PRKAR1A: variants seen among roughly 807,000 people sequenced by gnomAD.
The protein encoded by PRKAR1A is cAMP-dependent protein kinase type I-alpha regulatory subunit.
Under a neutral mutation model 52.0 loss-of-function variants are expected in PRKAR1A, and 3 were observed. The observed-to-expected ratio is 0.06, with a 90% CI of 0.03 to 0.15. PRKAR1A has a LOEUF of 0.15. PRKAR1A is among the 10% of genes least tolerant of loss of function. The probability of loss-of-function intolerance (pLI) is 1.00; values close to 1 mark genes in which losing one functional copy is unlikely to be tolerated. For missense variants in PRKAR1A, 240 were observed against 477.4 expected (o/e 0.50, Z 4.63); for synonymous variants, 188 against 168.4 (o/e 1.12, Z -0.90).
the PRKAR1A span, chr17:68,434,683 TC>T: frequency 6.3e-7 from 1 of 1,578,010 alleles, no homozygotes; most frequent in Non-Finnish European, 8.7e-7. Context: ...CACAGAGATG[TC>T]CCTTTAGAGA....
chr17:68,533,378 C>T lies in PRKAR1A; in HGVS notation c.*2929C>T, dbSNP rs1022799283. The stretch of plus-strand genomic sequence containing the variant: ...TCTAGATTCAGTAATCCCTTCCCCC[C>T]GTCCTCTGGAGTATGAAACCTTTAG... On this transcript the variant is annotated 3_prime_UTR_variant, in exon 11 of 11. Transcript: ENST00000589228. 1.8e-5 allele frequency: 19 copies of T among 1,061,750 alleles called. No homozygotes were observed. Among genetic ancestry groups the T allele is most frequent in the Admixed American group, 5.4e-5 (1 of 18,646 alleles). 65.8% of individuals were successfully genotyped at this position (1,061,750 alleles called of 1,614,324 possible).
intron 2 of PRKAR1A, among the ~76,000 whole-genome samples, chr17:68,516,461 AAATG>A (rs1669718855): frequency 6.6e-6 from 1 of 152,148 alleles, no homozygotes; most frequent in Non-Finnish European, 1.5e-5. Context: ...GAATTAATTG[AAATG>A]AATCATATAC....
chr17:68,498,885 T>TA, the PRKAR1A span, among the ~76,000 whole-genome samples: 1 of 152,220 alleles, frequency 6.6e-6, no homozygotes, highest in East Asian at 1.9e-4. Flanking sequence ...AGGTCTTCTG[T>TA]AGCTCTCAGG....
chr17:68,503,082 A>ACACCTAAAC, the PRKAR1A span, among the ~76,000 whole-genome samples: 1 of 152,266 alleles, frequency 6.6e-6, no homozygotes, highest in Admixed American at 6.5e-5. Flanking sequence ...CACCTCAGAG[A>ACACCTAAAC]AGACTCACAG....
chr17:68,526,904 C>T (rs555025511), intron 7 of PRKAR1A, among the ~76,000 whole-genome samples: 128 of 152,270 alleles, frequency 8.4e-4, no homozygotes, highest in African/African-American at 2.5e-3. Context: ...ACATGTACCC[C>T]TGAACCTTAA....
downstream of PRKAR1A, chr17:68,536,906 C>A (rs761191418): frequency 4.2e-5 from 19 of 454,036 alleles, no homozygotes; most frequent in Admixed American, 7.1e-5. Flanking sequence ...AGAAGTTACT[C>A]CAGGACCGGG....
rs1217047080 is a variant in PRKAR1A, at chr17:68,533,103, G to T, written c.*2654G>T. ...ACTTAATGGGGAAACATCATTTCTA[G>T]ATTAGCATACTCTTTGGTTTAAATT... On this transcript the variant is annotated 3_prime_UTR_variant, in exon 11 of 11. Coordinates refer to ENST00000589228, the MANE Select transcript of PRKAR1A (RefSeq NM_002734.5). The T allele has an allele frequency of 4.7e-6, 5 of 1,064,952 alleles. No homozygotes were observed. In the Admixed American group the frequency reaches 2.7e-4, roughly 57 times the overall value. 66.0% of individuals were successfully genotyped at this position (1,064,952 alleles called of 1,614,324 possible).
At chr17:68,465,178 C>T in the PRKAR1A span, among the ~76,000 whole-genome samples, 4 of 151,944 alleles carry the variant, frequency 2.6e-5, no homozygotes, top group Admixed American at 2.0e-4. Context: ...GTGATCTGCC[C>T]GCCTCGGCCT....
chr17:68,451,276 T>G, the PRKAR1A span, among the ~76,000 whole-genome samples: 1 of 151,940 alleles, frequency 6.6e-6, no homozygotes, highest in South Asian at 2.1e-4. Flanking sequence ...ACTAAAAATA[T>G]TTTAAAAATT....
intron 11 of PRKAR1A, chr17:68,540,714 A>C: frequency 2.7e-6 from 3 of 1,131,308 alleles, no homozygotes; most frequent in Non-Finnish European, 3.9e-6. Flanking sequence ...GACCTCCGCC[A>C]CTTCTGAGGC....
the PRKAR1A span, chr17:68,436,561 C>T: frequency 1.5e-6 from 2 of 1,296,726 alleles, no homozygotes; most frequent in East Asian, 2.4e-5. Context: ...GAAAACAGTA[C>T]AGCTACAGTG....
At chr17:68,430,198 G>A in the PRKAR1A span, 2 of 1,577,002 alleles carry the variant, frequency 1.3e-6, no homozygotes, top group South Asian at 1.2e-5. Context: ...GGACTGGGCT[G>A]CAGGCCCCAC....
chr17:68,418,917 G>A, the PRKAR1A span, among the ~76,000 whole-genome samples: 2 of 150,470 alleles, frequency 1.3e-5, no homozygotes, highest in African/African-American at 4.9e-5. Flanking sequence ...AGGAACTCTT[G>A]TAATTTTGAG....
intron 11 of PRKAR1A, chr17:68,541,708 C>G: frequency 2.7e-6 from 1 of 373,058 alleles, no homozygotes. Flanking sequence ...GTTCTCCCCA[C>G]TAGACCAAGG....
the PRKAR1A span, among the ~76,000 whole-genome samples, chr17:68,467,712 C>T: frequency 1.3e-5 from 2 of 152,316 alleles, no homozygotes; most frequent in Admixed American, 6.5e-5. Context: ...AAGCAGATCC[C>T]AGGCTTTCCT....
At chr17:68,442,734 T>G in the PRKAR1A span, among the ~76,000 whole-genome samples, 1 of 152,164 alleles carries the variant, frequency 6.6e-6, no homozygotes, top group African/African-American at 2.4e-5. Flanking sequence ...TCATTCCTGA[T>G]CAGAAGAGCA....
At chr17:68,525,721 A>C in intron 6 of PRKAR1A, 33 bp from the exon 7 acceptor site, 1 of 1,611,422 alleles carries the variant, frequency 6.2e-7, no homozygotes, top group Non-Finnish European at 8.5e-7. Flanking sequence ...TGTATCTAGA[A>C]AATAAACTTT....
At chr17:68,519,960 C>T (rs147164863) in intron 2 of PRKAR1A, among the ~76,000 whole-genome samples, 6 of 152,328 alleles carry the variant, frequency 3.9e-5, no homozygotes, top group East Asian at 1.9e-4. Context: ...AGACTGTAGT[C>T]GTCAGCTTTT....
At chr17:68,536,084 A>G (rs564899889), downstream of PRKAR1A, 1 of 454,132 alleles carries the variant, frequency 2.2e-6, no homozygotes, top group African/African-American at 2.0e-5. Flanking sequence ...TTAGAGAGAC[A>G]CAAAGTCCAG....
Sources: allele counts gnomAD v4.1 joint callset (sites outside exome capture counted in the v4.1 genomes callset), GRCh38; gene constraint gnomAD v4.1.1; transcripts MANE v1.5; gene names NCBI Gene and HGNC (gene_info 2026-07-23, HGNC 2026-07-21).